Variants in COL4A5 observed in about 807,000 individuals in gnomAD.
The protein encoded by COL4A5 is collagen alpha-5(IV) chain.
A neutral mutation model predicts 130.2 loss-of-function variants in COL4A5; 26 were observed. The observed-to-expected ratio is 0.20, with a 90% CI of 0.15 to 0.28. COL4A5 has a LOEUF of 0.28. COL4A5 is among the 10% of genes least tolerant of loss of function. The probability of loss-of-function intolerance (pLI) is 1.00; values close to 1 mark genes in which losing one functional copy is unlikely to be tolerated. For synonymous variants in COL4A5, 496 were observed against 439.6 expected (o/e 1.13, Z -1.60); for missense variants, 1,131 against 1,344.3 (o/e 0.84, Z 2.48).
At chrX:108,609,024 A>G (rs1782456582) in intron 29 of COL4A5, among the ~76,000 whole-genome samples, 1 of 111,741 alleles carries the variant, frequency 8.9e-6, no homozygotes, top group Non-Finnish European at 1.9e-5. Flanking sequence ...TGAGTATTTT[A>G]TTATGTGACT....
chrX:108,687,496 G>A lies in COL4A5; in HGVS notation c.4330G>A (p.Asp1444Asn), dbSNP rs2068568775. 6 of 1,209,139 alleles carry A rather than the reference G, an allele frequency of 5.0e-6. No individual in the cohort carries two copies. The South Asian group carries it at 5.3e-5, about 11-fold the overall frequency. Residue 1444 changes from aspartate (D) to asparagine (N), a missense_variant, in exon 49 of 53, where the codon GAT (aspartate) becomes AAT (asparagine). Transcript: ENST00000328300. ...LPGQPGTRGL[D>N]GPPGPDGLQG... ...CGTGGAAATAGGTACCCGTGGTTTG[G>A]ATGGTCCCCCTGGTCCAGATGGATT...
At chrX:108,510,695 T>C (rs1381334571) in intron 1 of COL4A5, among the ~76,000 whole-genome samples, 1 of 111,464 alleles carries the variant, frequency 9.0e-6, no homozygotes, top group South Asian at 3.7e-4. Flanking sequence ...GTTTGGTGGC[T>C]ATTGGTAGTT....
At chrX:108,483,203 A>ATGTGTG (rs778401670) in intron 1 of COL4A5, among the ~76,000 whole-genome samples, 1,995 of 99,292 alleles carry the variant, frequency 0.02, 35 homozygotes, top group East Asian at 0.073. Flanking sequence ...CTAATAGGAT[A>ATGTGTG]TGTGTGTGTG....
chrX:108,670,522 A>T (rs1490494321), intron 42 of COL4A5, among the ~76,000 whole-genome samples: 2 of 112,262 alleles, frequency 1.8e-5, no homozygotes, highest in Non-Finnish European at 3.8e-5. Context: ...AGCCTTACAT[A>T]TTCTACCTTT....
chrX:108,647,208 C>T (rs1349314834), intron 36 of COL4A5, among the ~76,000 whole-genome samples: 1 of 111,311 alleles, frequency 9.0e-6, no homozygotes, highest in African/African-American at 3.3e-5. Flanking sequence ...TCTTCCTACC[C>T]ATGAGCATGG....
chrX:108,475,367 T>C (rs2064822216), intron 1 of COL4A5, among the ~76,000 whole-genome samples: 1 of 111,530 alleles, frequency 9.0e-6, no homozygotes, highest in Non-Finnish European at 1.9e-5. Context: ...AATTATGGTG[T>C]CTTTGAAAAG....
intron 37 of COL4A5, among the ~76,000 whole-genome samples, chrX:108,661,035 G>C (rs2067947930): frequency 8.9e-6 from 1 of 112,065 alleles, no homozygotes; most frequent in Non-Finnish European, 1.9e-5. Flanking sequence ...ATGCAGTACA[G>C]TTACATGCTA....
intron 8 of COL4A5, among the ~76,000 whole-genome samples, chrX:108,572,955 GC>G (rs1388215984): frequency 9.0e-6 from 1 of 111,092 alleles, no homozygotes; most frequent in Non-Finnish European, 1.9e-5. Flanking sequence ...ATTGGGATGT[GC>G]CAAACGTTTT....
At chrX:108,596,912 A>G (rs1050148590) in intron 22 of COL4A5, 86 bp from the exon 23 acceptor site, 26 of 960,827 alleles carry the variant, frequency 2.7e-5, no homozygotes, top group Non-Finnish European at 3.6e-5. Context: ...TGACTTGATG[A>G]TTTCTGTATG....
chrX:108,483,154 A>G (rs958296827), intron 1 of COL4A5, among the ~76,000 whole-genome samples: 1 of 110,860 alleles, frequency 9.0e-6, no homozygotes, highest in African/African-American at 3.3e-5. Flanking sequence ...TCCTCGTACC[A>G]GAATCTGTAT....
chrX:108,688,637 A>G (rs1213670115), intron 49 of COL4A5, among the ~76,000 whole-genome samples: 1 of 111,117 alleles, frequency 9.0e-6, no homozygotes, highest in South Asian at 3.8e-4. Context: ...GGGTTTCACC[A>G]TGTTGGCCAG....
In COL4A5 at chrX:108,665,592, G is replaced by A. The variant is rs377027508; in HGVS notation, c.3454+5G>A. 1 of 1,168,931 alleles carries A rather than the reference G, an allele frequency of 8.6e-7. No homozygotes were observed. Among genetic ancestry groups the A allele is most frequent in the Non-Finnish European group, 1.2e-6 (1 of 857,991 alleles). ...CAGGAGAACCTGGTCCTGTAGGTAA[G>A]CATGAAAAATAACAGTTTGCTGTTT... On this transcript the variant is annotated splice_donor_5th_base_variant and intron_variant, in intron 38 of 52. Coordinates refer to ENST00000328300, the MANE Select transcript of COL4A5 (RefSeq NM_033380.3).
chrX:108,538,735 C>A (rs1281139294), intron 1 of COL4A5, among the ~76,000 whole-genome samples: 3 of 112,111 alleles, frequency 2.7e-5, no homozygotes, highest in Non-Finnish European at 3.8e-5. Flanking sequence ...ATGCCACCTC[C>A]TTGTAAGTAA....
chrX:108,669,884 A>G (rs991714690), intron 41 of COL4A5, among the ~76,000 whole-genome samples: 3 of 112,132 alleles, frequency 2.7e-5, no homozygotes, highest in Non-Finnish European at 3.8e-5. Context: ...AAATTATTTC[A>G]TAAACTATAA....
chrX:108,584,593 C>G, intron 18 of COL4A5, 68 bp downstream of exon 18: 1 of 887,815 alleles, frequency 1.1e-6, no homozygotes, highest in Non-Finnish European at 1.6e-6. Flanking sequence ...GTGCCTTAAT[C>G]GCATACTCCC....
At chrX:108,680,600 T>A (rs1339903790) in intron 44 of COL4A5, 79 bp from the exon 45 acceptor site, 6 of 783,970 alleles carry the variant, frequency 7.7e-6, no homozygotes, top group Non-Finnish European at 1.2e-5. Flanking sequence ...TATATGCCAC[T>A]ATGTAATTCT....
At chrX:108,644,957 A>G (rs190141391) in intron 36 of COL4A5, among the ~76,000 whole-genome samples, 1,295 of 109,648 alleles carry the variant, frequency 0.012, 13 homozygotes, top group African/African-American at 0.041. Flanking sequence ...GAAAAGAAAC[A>G]TGCTCCTAAA....
intron 36 of COL4A5, among the ~76,000 whole-genome samples, chrX:108,645,654 T>A (rs2067565272): frequency 9.2e-6 from 1 of 108,774 alleles, no homozygotes; most frequent in African/African-American, 3.4e-5. Context: ...TATGTATACA[T>A]GTGCCATGTT....
intron 3 of COL4A5, among the ~76,000 whole-genome samples, chrX:108,559,902 T>G (rs1275813660): frequency 9.0e-6 from 1 of 111,628 alleles, no homozygotes; most frequent in Non-Finnish European, 1.9e-5. Context: ...TGCACCAAGT[T>G]TGCTGTGTGG....
Sources: allele counts gnomAD v4.1 joint callset (sites outside exome capture counted in the v4.1 genomes callset), GRCh38; gene constraint gnomAD v4.1.1; transcripts MANE v1.5; gene names NCBI Gene and HGNC (gene_info 2026-07-23, HGNC 2026-07-21).